Variants in SOX5 observed in about 807,000 individuals in gnomAD.
The protein encoded by SOX5 is SRY-box transcription factor 5.
Under a neutral mutation model 92.0 loss-of-function variants are expected in SOX5, and 9 were observed. The ratio of observed to expected loss-of-function variants is 0.10; its 90% CI spans 0.06 to 0.17. The LOEUF (loss-of-function observed/expected upper bound fraction) is 0.17, where lower values mean the gene tolerates loss of function less well. Among genes scored for constraint, SOX5 ranks in the 10% least tolerant of loss-of-function variants. SOX5 has a pLI of 1.00. For synonymous variants in SOX5, 344 were observed against 336.3 expected, an observed-to-expected ratio of 1.02 and a Z score of -0.25; for missense variants, 642 against 944.5, an observed-to-expected ratio of 0.68 and a Z score of 4.20.
At chr12:24,174,144 T>G (rs1178837226) in intron 4 of SOX5, among the ~76,000 whole-genome samples, 1 of 152,050 alleles carries the variant, frequency 6.6e-6, no homozygotes, top group Non-Finnish European at 1.5e-5. Context: ...ATTACTAGTG[T>G]GCCCCACCAT....
chr12:24,271,982 AACAC>A (rs71059998), intron 3 of SOX5, among the ~76,000 whole-genome samples: 8 of 150,628 alleles, frequency 5.3e-5, no homozygotes, highest in Admixed American at 3.3e-4. Flanking sequence ...CACACACACA[AACAC>A]ACACACACAC....
chr12:24,544,804 T>G (rs1952461546), intron 1 of SOX5, among the ~76,000 whole-genome samples: 2 of 152,246 alleles, frequency 1.3e-5, no homozygotes, highest in South Asian at 4.1e-4. Flanking sequence ...CAACGCACTT[T>G]GTCCCCATTT....
chr12:23,575,719 G>C lies in SOX5; in HGVS notation c.1284C>G (p.Pro428=). ...PALRINSGAG[P]LKASVPAALA... ...ACGCTGCTGGGACAGAGGCTTTGAG[G>C]GGGCCTGCCCCACTGTTTATTCTCA... is the stretch of plus-strand genomic sequence containing the variant. Residue 428 remains proline (P), a synonymous_variant, in exon 10 of 15, where the codon CCC becomes CCG. Transcript: ENST00000451604. The C allele has an allele frequency of 6.2e-7, 1 of 1,614,130 alleles. No individual in the cohort carries two copies. Among genetic ancestry groups the C allele is most frequent in the South Asian group, 1.1e-5 (1 of 91,088 alleles).
intron 3 of SOX5, among the ~76,000 whole-genome samples, chr12:23,765,406 A>AAAAG (rs1193578891): frequency 6.7e-6 from 1 of 149,924 alleles, no homozygotes; most frequent in Non-Finnish European, 1.5e-5. Flanking sequence ...AAAAAAAAAA[A>AAAAG]AAAAAGAGTT....
At chr12:23,777,688 T>C (rs866488346) in intron 3 of SOX5, among the ~76,000 whole-genome samples, 4 of 152,126 alleles carry the variant, frequency 2.6e-5, no homozygotes, top group South Asian at 2.1e-4. Context: ...TCCCTTTCAT[T>C]CCTTTACTGC....
At chr12:23,729,517 C>G (rs2093308096) in intron 6 of SOX5, among the ~76,000 whole-genome samples, 2 of 152,128 alleles carry the variant, frequency 1.3e-5, no homozygotes, top group Admixed American at 6.6e-5. Flanking sequence ...TTTGCTCTAC[C>G]CTTAGGTCCT....
rs561925627 is a variant in SOX5 at position 24,389,264 on chromosome 12, T to G, written c.-250-20625A>C. The stretch of plus-strand genomic sequence containing the variant: ...GAATGATGATTTCCAATTTCATCCC[T>G]GTCCCTACAAAGGACATGAACTCAT... On this transcript the variant is annotated intron_variant, in intron 1 of 4. Coordinates refer to the SOX5 transcript ENST00000446891. 4.6e-5 allele frequency among the ~76,000 whole-genome samples: 7 copies of G among 152,360 alleles called. No individual in the cohort carries two copies. The South Asian group carries it at 6.2e-4, about 14-fold the overall frequency.
rs2097172165 is a variant in SOX5, at chr12:23,895,875, T to G, written c.188A>C (p.His63Pro). 1.2e-6 allele frequency: 2 copies of G among 1,613,964 alleles called. No individual in the cohort carries two copies. The highest frequency in any genetic ancestry group is 1.3e-5 in the African/African-American group (1 of 74,982). The stretch of plus-strand genomic sequence containing the variant: ...AGAAACTGGCTGAAATTCCTCAGAG[T>G]GAGGCTTGTTGGGAAAACTCACATG... ...PLHVSFPNKP[H>P]SEEFQPVSLL... The change falls in exon 2 of 15, where the codon CAC (histidine) becomes CCC (proline). Residue 63 changes from histidine (H) to proline (P), a missense_variant. Transcript: ENST00000451604.
chr12:24,071,520 T>C (rs1941773468), intron 4 of SOX5, among the ~76,000 whole-genome samples: 1 of 152,166 alleles, frequency 6.6e-6, no homozygotes, highest in African/African-American at 2.4e-5. Context: ...CTGCAAGCTC[T>C]GCCTCCCAGG....
chr12:24,406,207 G>C (rs929471205), intron 1 of SOX5, among the ~76,000 whole-genome samples: 1 of 152,168 alleles, frequency 6.6e-6, no homozygotes, highest in Non-Finnish European at 1.5e-5. Flanking sequence ...GAGGATCAAC[G>C]GCGGTATTCA....
intron 2 of SOX5, among the ~76,000 whole-genome samples, chr12:23,872,216 G>A (rs1328364495): frequency 1.7e-5 from 2 of 120,586 alleles, no homozygotes; most frequent in African/African-American, 6.3e-5. Context: ...GTTTCACCGT[G>A]TTAGCCAGGA....
intron 4 of SOX5, among the ~76,000 whole-genome samples, chr12:24,041,502 G>T (rs1956519185): frequency 6.6e-6 from 1 of 152,052 alleles, no homozygotes; most frequent in Non-Finnish European, 1.5e-5. Flanking sequence ...TATGATTAAA[G>T]GCTACAAATT....
chr12:23,869,082 A>G (rs1435450419), intron 2 of SOX5, among the ~76,000 whole-genome samples: 1 of 152,186 alleles, frequency 6.6e-6, no homozygotes, highest in Non-Finnish European at 1.5e-5. Flanking sequence ...AAATGGAAAT[A>G]ATGATAGCTT....
rs528737480 is a variant in SOX5 at position 23,948,890 on chromosome 12, T to C, written c.38+674A>G. 2.0e-5 allele frequency among the ~76,000 whole-genome samples: 3 copies of C among 152,206 alleles called. No homozygotes were observed. In the South Asian group the frequency reaches 6.2e-4, roughly 32 times the overall value. On this transcript the variant is annotated intron_variant, in intron 1 of 14. Coordinates refer to ENST00000451604, the MANE Select transcript of SOX5 (RefSeq NM_006940.6). The stretch of plus-strand genomic sequence containing the variant: ...TAGCAAAAGGGGAAAATACAGTAAA[T>C]TAAAATTCAGTCAAGACAGCTAACA...
At chr12:23,770,046 CTG>C (rs1491366332) in intron 3 of SOX5, among the ~76,000 whole-genome samples, 8 of 92,048 alleles carry the variant, frequency 8.7e-5, no homozygotes, top group Non-Finnish European at 1.3e-4. Context: ...AATGCTCCCT[CTG>C]TTTTTTTTTT....
intron 2 of SOX5, among the ~76,000 whole-genome samples, chr12:24,303,226 T>A (rs1241183669): frequency 1.3e-5 from 2 of 152,214 alleles, no homozygotes; most frequent in African/African-American, 4.8e-5. Flanking sequence ...TCATTAAAAA[T>A]GAGTAAAATT....
At chr12:24,142,715 G>T (rs1427373397) in intron 4 of SOX5, among the ~76,000 whole-genome samples, 1 of 151,770 alleles carries the variant, frequency 6.6e-6, no homozygotes, top group Non-Finnish European at 1.5e-5. Context: ...CCTTTGATTG[G>T]CCCAGCTGAC....
At chr12:24,424,166 T>C (rs558570913) in intron 1 of SOX5, among the ~76,000 whole-genome samples, 2 of 152,218 alleles carry the variant, frequency 1.3e-5, no homozygotes, top group African/African-American at 4.8e-5. Flanking sequence ...TAGAAAAGGA[T>C]CTTCAGTCTG....
chr12:23,534,847 A>G lies in SOX5; in HGVS notation c.1989-325T>C, dbSNP rs532105333. On this transcript the variant is annotated intron_variant, in intron 14 of 14. Coordinates refer to ENST00000451604, the MANE Select transcript of SOX5 (RefSeq NM_006940.6). ...GCCTCAGCCCCCCAAGTAGCTGGGA[A>G]TACAGGCGCCTGCCACCACACCTGG... 5.3e-5 allele frequency among the ~76,000 whole-genome samples: 8 copies of G among 151,842 alleles called. No individual in the cohort carries two copies. In the South Asian group the frequency reaches 1.7e-3, roughly 32 times the overall value.
Sources: gnomAD v4.1 joint callset for allele counts (sites outside exome capture counted in the v4.1 genomes callset) on GRCh38, gnomAD v4.1.1 for gene constraint, MANE v1.5 for transcripts, NCBI Gene and HGNC (gene_info 2026-07-23, HGNC 2026-07-21) for gene names.